Variants in DRC11 observed in about 807,000 individuals in gnomAD.
DRC11 encodes IQ and AAA domain-containing protein 1.
chr2:236,485,895 G>C, the DRC11 span, among the ~76,000 whole-genome samples: 59 of 152,318 alleles, frequency 3.9e-4, no homozygotes, highest in African/African-American at 1.3e-3. Context: ...AACATCTCTA[G>C]CAGCAGACAG....
the DRC11 span, among the ~76,000 whole-genome samples, chr2:236,416,721 TTATATATATATATATATA>T: frequency 1.0e-3 from 65 of 64,244 alleles, no homozygotes; most frequent in South Asian, 0.01. Flanking sequence ...ATATATATAT[TTATATATATATATATATA>T]TATATATATA....
chr2:236,408,447 T>C, the DRC11 span: 2 of 740,750 alleles, frequency 2.7e-6, no homozygotes, highest in Non-Finnish European at 5.1e-6. This position sits in a 1 kb window ranked among gnomAD's most constrained non-coding sequence, Gnocchi z 5.5. Flanking sequence ...GCCCAAACAC[T>C]TGGTTCACAG....
the DRC11 span, among the ~76,000 whole-genome samples, chr2:236,355,993 G>A: frequency 6.6e-6 from 1 of 152,136 alleles, no homozygotes; most frequent in Non-Finnish European, 1.5e-5. Flanking sequence ...CAGAGGAGCC[G>A]GGTGGATGGT....
At chr2:236,336,441 ACCACCACTGCCACCACG>A in the DRC11 span, among the ~76,000 whole-genome samples, 4 of 150,220 alleles carry the variant, frequency 2.7e-5, no homozygotes, top group Non-Finnish European at 5.9e-5. This position sits in a 1 kb window ranked among gnomAD's most constrained non-coding sequence, Gnocchi z 7.3. Flanking sequence ...CACCACGGCC[ACCACCACTGCCACCACG>A]GCCACCACCA....
chr2:236,503,448 C>T, the DRC11 span, among the ~76,000 whole-genome samples: 1 of 152,188 alleles, frequency 6.6e-6, no homozygotes, highest in Non-Finnish European at 1.5e-5. The surrounding 1 kb of genome is among the most constrained non-coding windows in gnomAD (Gnocchi z 4.9). Context: ...ACGGAGCTGA[C>T]CCATAACTGG....
At chr2:236,461,075 A>G in the DRC11 span, among the ~76,000 whole-genome samples, 1 of 152,134 alleles carries the variant, frequency 6.6e-6, no homozygotes, top group Non-Finnish European at 1.5e-5. This position sits in a 1 kb window ranked among gnomAD's most constrained non-coding sequence, Gnocchi z 4.0. Flanking sequence ...AGATTTAGTA[A>G]GTTAAATGTG....
At chr2:236,505,630 C>T in the DRC11 span, among the ~76,000 whole-genome samples, 3 of 152,112 alleles carry the variant, frequency 2.0e-5, no homozygotes, top group Non-Finnish European at 2.9e-5. Flanking sequence ...CCTCAGTCAC[C>T]ATCATCTTCC....
the DRC11 span, among the ~76,000 whole-genome samples, chr2:236,375,556 T>C: frequency 3.3e-5 from 5 of 152,166 alleles, no homozygotes; most frequent in Non-Finnish European, 5.9e-5. The surrounding 1 kb of genome is among the most constrained non-coding windows in gnomAD (Gnocchi z 4.2). Flanking sequence ...TTAATAAATA[T>C]TCCAGCAAAA....
At chr2:236,374,494 G>T in the DRC11 span, among the ~76,000 whole-genome samples, 1 of 152,132 alleles carries the variant, frequency 6.6e-6, no homozygotes, top group Admixed American at 6.5e-5. Context: ...AATAAAAGAG[G>T]TTTAATTGGC....
the DRC11 span, chr2:236,368,798 T>C: frequency 1.3e-5 from 2 of 153,556 alleles, no homozygotes; most frequent in Non-Finnish European, 2.9e-5. Flanking sequence ...GGTATGAGTC[T>C]AATTTAGGAT....
the DRC11 span, chr2:236,465,821 C>T: frequency 2.7e-5 from 19 of 695,604 alleles, no homozygotes; most frequent in Non-Finnish European, 4.5e-5. The surrounding 1 kb of genome is among the most constrained non-coding windows in gnomAD (Gnocchi z 6.2). Context: ...CTAGCAAAGG[C>T]AAATAAGAAA....
At chr2:236,469,944 T>C in the DRC11 span, among the ~76,000 whole-genome samples, 14 of 152,340 alleles carry the variant, frequency 9.2e-5, no homozygotes, top group East Asian at 2.7e-3. This position sits in a 1 kb window ranked among gnomAD's most constrained non-coding sequence, Gnocchi z 5.8. Flanking sequence ...TAAACCATTA[T>C]ATTTACAAGC....
At chr2:236,416,035 T>C in the DRC11 span, among the ~76,000 whole-genome samples, 2 of 151,858 alleles carry the variant, frequency 1.3e-5, no homozygotes, top group South Asian at 4.2e-4. Context: ...GGCAGAACAA[T>C]AGGGCCCTAG....
the DRC11 span, among the ~76,000 whole-genome samples, chr2:236,455,615 T>C: frequency 1.3e-5 from 2 of 152,164 alleles, no homozygotes; most frequent in Non-Finnish European, 2.9e-5. The surrounding 1 kb of genome is among the most constrained non-coding windows in gnomAD (Gnocchi z 5.7). Context: ...AGCTCTCAAA[T>C]TCAACTGGCA....
At chr2:236,353,332 A>G in the DRC11 span, among the ~76,000 whole-genome samples, 29 of 152,322 alleles carry the variant, frequency 1.9e-4, no homozygotes, top group South Asian at 5.8e-3. This position sits in a 1 kb window ranked among gnomAD's most constrained non-coding sequence, Gnocchi z 5.0. Context: ...TGCCTTTTCA[A>G]ATTCTAGGAA....
the DRC11 span, among the ~76,000 whole-genome samples, chr2:236,459,601 A>ATACGTATATACGTATACGTATACATG: frequency 8.2e-6 from 1 of 121,556 alleles, no homozygotes; most frequent in African/African-American, 3.0e-5. Flanking sequence ...ATACGTATAC[A>ATACGTATATACGTATACGTATACATG]TATATACGTA....
chr2:236,464,357 A>T, the DRC11 span, among the ~76,000 whole-genome samples: 1 of 152,190 alleles, frequency 6.6e-6, no homozygotes, highest in African/African-American at 2.4e-5. Flanking sequence ...GCAATACCCC[A>T]TCAAGAAAAC....
chr2:236,318,189 C>A, the DRC11 span, among the ~76,000 whole-genome samples: 1 of 148,828 alleles, frequency 6.7e-6, no homozygotes, highest in East Asian at 2.1e-4. This position sits in a 1 kb window ranked among gnomAD's most constrained non-coding sequence, Gnocchi z 7.0. Flanking sequence ...GCCTTTCCTG[C>A]AGCTGGGGGC....
At chr2:236,422,875 C>T in the DRC11 span, among the ~76,000 whole-genome samples, 1 of 151,668 alleles carries the variant, frequency 6.6e-6, no homozygotes, top group Non-Finnish European at 1.5e-5. Flanking sequence ...TGGAACAGAA[C>T]AGAGCCCTCA....
Sources: gnomAD v4.1 joint callset for allele counts (sites outside exome capture counted in the v4.1 genomes callset) on GRCh38, gnomAD v4.1.1 for gene constraint, Gnocchi (gnomAD v3.1) non-coding constraint, MANE v1.5 for transcripts, NCBI Gene and HGNC (gene_info 2026-07-23, HGNC 2026-07-21) for gene names.